Variants in CACNA1A observed in about 807,000 individuals in gnomAD.
CACNA1A encodes the protein voltage-dependent P/Q-type calcium channel subunit alpha-1A.
In CACNA1A, 57 loss-of-function variants were observed where a neutral mutation model predicts 262.4. That is an observed-to-expected ratio of 0.22 (90% confidence interval 0.18 to 0.27). The LOEUF (loss-of-function observed/expected upper bound fraction) is 0.27. Ranked by LOEUF, CACNA1A falls within the 10% of genes least tolerant of loss-of-function variation. CACNA1A has a pLI of 1.00. For missense variants in CACNA1A, 2,526 were observed against 3,562.8 expected, an observed-to-expected ratio of 0.71 and a Z score of 7.41; for synonymous variants, 1,431 against 1,419.3, an observed-to-expected ratio of 1.01 and a Z score of -0.18.
intron 38 of CACNA1A, among the ~76,000 whole-genome samples, chr19:13,223,640 C>G (rs1600112053): frequency 1.3e-5 from 2 of 152,146 alleles, no homozygotes; most frequent in Admixed American, 1.3e-4. Context: ...TCTGAACCTG[C>G]GTGGCGTGCC....
At chr19:13,245,612 G>T in intron 30 of CACNA1A, 1 of 252,066 alleles carries the variant, frequency 4.0e-6, no homozygotes, top group Non-Finnish European at 7.6e-6. Flanking sequence ...ACATCACTGA[G>T]CTCCTCATGA....
intron 11 of CACNA1A, among the ~76,000 whole-genome samples, chr19:13,314,737 G>A (rs577718963): frequency 3.3e-5 from 5 of 152,236 alleles, no homozygotes; most frequent in African/African-American, 1.2e-4. Context: ...TTTGCCAAGG[G>A]TGTTTGCTAT....
chr19:13,425,044 T>G (rs2060378701), intron 3 of CACNA1A, among the ~76,000 whole-genome samples: 1 of 152,102 alleles, frequency 6.6e-6, no homozygotes, highest in Non-Finnish European at 1.5e-5. Context: ...GACCTCATGA[T>G]CCGCCCACCT....
chr19:13,394,165 G>C (rs989139608), intron 3 of CACNA1A, among the ~76,000 whole-genome samples: 2 of 152,132 alleles, frequency 1.3e-5, no homozygotes, highest in African/African-American at 4.8e-5. Flanking sequence ...GACCCTACAA[G>C]TGTGGCGGTG....
Position 13,257,446 on chromosome 19 carries a change from G to A in CACNA1A, c.4494C>T (p.Pro1498=), listed in dbSNP as rs1226311037. Residue 1498 remains proline, a synonymous_variant, in exon 28 of 47, where the codon CCC becomes CCT. Coordinates refer to ENST00000360228, the MANE Select transcript of CACNA1A (RefSeq NM_001127222.2). ...IFYVVYFVVF[P]FFFVNIFVAL... is the part of the protein sequence containing the mutation. ...CCACAAAGATATTGACAAAGAAGAA[G>A]GGGAACACCACAAAGTAGACGACGT... 1.2e-6 allele frequency: 2 copies of A among 1,613,922 alleles called. No homozygotes were observed. The highest frequency in any genetic ancestry group is 1.1e-5 in the South Asian group (1 of 91,078).
At chr19:13,313,171 G>T (rs1047744422) in intron 11 of CACNA1A, among the ~76,000 whole-genome samples, 10 of 152,012 alleles carry the variant, frequency 6.6e-5, no homozygotes, top group Non-Finnish European at 1.3e-4. Flanking sequence ...CCTGTCCAAG[G>T]TGTCCTTCCC....
chr19:13,505,850 G>C (rs1982971352), intron 1 of CACNA1A, 82 bp downstream of exon 1: 4 of 1,424,518 alleles, frequency 2.8e-6, no homozygotes, highest in African/African-American at 2.8e-5. Context: ...CAACCCCCGG[G>C]TCTCTCTCCC....
At chr19:13,363,823 GA>G (rs1371669259) in intron 5 of CACNA1A, 1 of 152,216 alleles carries the variant, frequency 6.6e-6, no homozygotes, top group African/African-American at 2.4e-5. Context: ...ATCAGAACCA[GA>G]ACTGCTATTC....
chr19:13,504,156 C>T (rs1982733799), intron 1 of CACNA1A, among the ~76,000 whole-genome samples: 1 of 152,158 alleles, frequency 6.6e-6, no homozygotes, highest in Non-Finnish European at 1.5e-5. Context: ...CCCATGAATA[C>T]CCTGTCCTCC....
chr19:13,368,820 C>T (rs994766799), intron 4 of CACNA1A, among the ~76,000 whole-genome samples: 5 of 129,704 alleles, frequency 3.9e-5, no homozygotes, highest in South Asian at 2.1e-4. Flanking sequence ...GGGCGGATCA[C>T]GAGGTCAGGA....
chr19:13,423,030 T>G (rs2060343664), intron 3 of CACNA1A, among the ~76,000 whole-genome samples: 3 of 152,196 alleles, frequency 2.0e-5, no homozygotes, highest in Admixed American at 2.0e-4. Context: ...TAGCAAACCT[T>G]CAAACCTGAG....
At chr19:13,359,511 G>C in intron 6 of CACNA1A, 95 bp downstream of exon 6, 4 of 965,280 alleles carry the variant, frequency 4.1e-6, no homozygotes, top group Non-Finnish European at 4.8e-6. Context: ...CCCAGCTCAG[G>C]GTCCCTCCAT....
intron 8 of CACNA1A, chr19:13,334,167 A>T: frequency 3.7e-6 from 2 of 533,408 alleles, no homozygotes; most frequent in South Asian, 5.4e-5. Context: ...TTCAGAATTC[A>T]AGTTACGTGA....
intron 15 of CACNA1A, among the ~76,000 whole-genome samples, chr19:13,304,618 T>A (rs1234498044): frequency 7.3e-6 from 1 of 137,276 alleles, no homozygotes; most frequent in Admixed American, 7.6e-5. Context: ...AAATGTGATT[T>A]GCCTAAAAAA....
chr19:13,440,746 G>C (rs529274048), intron 3 of CACNA1A, among the ~76,000 whole-genome samples: 4 of 152,150 alleles, frequency 2.6e-5, no homozygotes, highest in Non-Finnish European at 4.4e-5. Flanking sequence ...GCCCAGCATG[G>C]GTCAGACATT....
intron 3 of CACNA1A, among the ~76,000 whole-genome samples, chr19:13,381,143 G>A (rs574633503): frequency 1.3e-5 from 2 of 152,208 alleles, no homozygotes; most frequent in South Asian, 2.1e-4. Flanking sequence ...TCAGCTACTC[G>A]GGAGGCTGAG....
At chr19:13,497,558 AT>A (rs1568709944) in intron 1 of CACNA1A, among the ~76,000 whole-genome samples, 1,427 of 52,966 alleles carry the variant, frequency 0.027, 405 homozygotes, top group East Asian at 0.033. Flanking sequence ...ATATATATAT[AT>A]ATATATATAT....
intron 30 of CACNA1A, among the ~76,000 whole-genome samples, chr19:13,246,276 C>T (rs756283691): frequency 3.3e-5 from 5 of 152,134 alleles, no homozygotes; most frequent in South Asian, 2.1e-4. Context: ...TTCAGGCACA[C>T]GCACTTCCTG....
At chr19:13,318,956 C>A (rs8106030) in intron 10 of CACNA1A, among the ~76,000 whole-genome samples, 41,063 of 147,072 alleles carry the variant, frequency 0.28, 6,151 homozygotes, top group East Asian at 0.45. Flanking sequence ...TGGCTTGATC[C>A]TAGCTCACTG....
Sources: gnomAD v4.1 joint callset for allele counts (sites outside exome capture counted in the v4.1 genomes callset) on GRCh38, gnomAD v4.1.1 for gene constraint, MANE v1.5 for transcripts, NCBI Gene and HGNC (gene_info 2026-07-23, HGNC 2026-07-21) for gene names.